Variants in POLR1B observed in about 807,000 individuals in gnomAD.
The protein encoded by POLR1B is DNA-directed RNA polymerase I subunit RPA2.
Under a neutral mutation model 105.8 loss-of-function variants are expected in POLR1B, and 30 were observed. That is an observed-to-expected ratio of 0.28 (90% CI 0.21 to 0.38). POLR1B has a LOEUF of 0.38. POLR1B is among the 10% of genes least tolerant of loss of function. The pLI is 1.00. For missense variants in POLR1B, 976 were observed against 1,435.8 expected (o/e 0.68, Z 5.17); for synonymous variants, 485 against 505.1 (o/e 0.96, Z 0.53).
intron 12 of POLR1B, among the ~76,000 whole-genome samples, chr2:112,569,598 C>A (rs184629294): frequency 1.3e-5 from 2 of 149,500 alleles, no homozygotes; most frequent in Non-Finnish European, 3.0e-5. Context: ...CTCGCTCTGT[C>A]GCCTAGGCTG....
chr2:112,561,934 A>C (rs1684011324), intron 9 of POLR1B, among the ~76,000 whole-genome samples: 1 of 152,072 alleles, frequency 6.6e-6, no homozygotes, highest in South Asian at 2.1e-4. Flanking sequence ...GGCCTCCCAA[A>C]GTGCTGGGAT....
At position 112,574,896 on chromosome 2, in the gene POLR1B, A is replaced by G. The variant is rs1260798991; in HGVS notation, c.2575A>G (p.Thr859Ala). Residue 859 changes from threonine to alanine, a missense_variant, in exon 15 of 15, where the codon ACT (threonine) becomes GCT (alanine). Physicochemically the swap from Thr to Ala is moderately conservative, Grantham distance 58. This residue lies in a region of POLR1B where 119 missense variants were observed against 149.7 expected (regional missense o/e 0.79). Transcript: ENST00000263331. The stretch of plus-strand genomic sequence containing the variant: ...TAACATCAAAGTGTGCAGTAATGAC[A>G]CTGGGAGTGGAAAATTCAAGTGTGT... ...VDNIKVCSND[T>A]GSGKFKCVCI... The G allele has an allele frequency of 1.9e-6, 3 of 1,614,158 alleles. No homozygotes were observed. Among genetic ancestry groups the G allele is most frequent in the Admixed American group, 3.3e-5 (2 of 60,018 alleles).
intron 9 of POLR1B, among the ~76,000 whole-genome samples, chr2:112,563,025 G>A (rs1684084769): frequency 6.7e-6 from 1 of 149,954 alleles, no homozygotes; most frequent in South Asian, 2.1e-4. Context: ...GACTGCACCC[G>A]GCCAGCTTGT....
At chr2:112,571,451 C>T (rs1002277507) in intron 12 of POLR1B, among the ~76,000 whole-genome samples, 5 of 151,962 alleles carry the variant, frequency 3.3e-5, no homozygotes, top group African/African-American at 9.7e-5. Context: ...ATACACAGTC[C>T]ATCACCTGGT....
chr2:112,568,984 A>G lies in POLR1B; in HGVS notation c.2074+82A>G, dbSNP rs561870506. ...ACACTCTTTTATTGTCCTTATTTAC[A>G]TATGCTGACCATTTGTTCCAAAAAT... On this transcript the variant is annotated intron_variant, in intron 12 of 14. Transcript: ENST00000263331. 3.5e-5 allele frequency: 48 copies of G among 1,379,552 alleles called. No individual in the cohort carries two copies. The South Asian group carries it at 5.9e-4, about 17-fold the overall frequency. 85.5% of individuals were successfully genotyped at this position (1,379,552 alleles called of 1,614,324 possible). A position where few individuals can be genotyped will look rare whatever the true frequency, so the allele number is the denominator to read the frequency against.
At position 112,577,059 on chromosome 2, in the gene POLR1B, T is replaced by C. The variant is rs1042044146; in HGVS notation, c.*1330T>C. 1.3e-5 allele frequency: 2 copies of C among 152,246 alleles called. No homozygotes were observed. Among genetic ancestry groups the C allele is most frequent in the Non-Finnish European group, 2.9e-5 (2 of 68,046 alleles). 9.4% of individuals were successfully genotyped at this position (152,246 alleles called of 1,614,324 possible). On this transcript the variant is annotated 3_prime_UTR_variant, in exon 15 of 15. Transcript: ENST00000263331. ...GGCCATTATAACTTTTTTCTGCAAA[T>C]ATTCTGGTGACTTATCTTTGGCCAT... is the stretch of plus-strand genomic sequence containing the variant.
intron 8 of POLR1B, 118 bp downstream of exon 8, chr2:112,558,199 A>T: frequency 1.4e-6 from 1 of 739,036 alleles, no homozygotes; most frequent in Non-Finnish European, 1.9e-6. Flanking sequence ...AATTTCTCAT[A>T]ACTATGACTT....
In POLR1B at chr2:112,575,123, C is replaced by T. The variant is rs773418660; in HGVS notation, c.2802C>T (p.Ala934=). ...MTIGMLIESM[A]GKSAALHGLC... ...TTGGGATGTTAATTGAGAGTATGGC[C>T]GGGAAGTCTGCAGCTTTGCATGGTC... Residue 934 remains alanine, a synonymous_variant, in exon 15 of 15, where the codon GCC becomes GCT. Transcript: ENST00000263331. The surrounding 1 kb of genome is among the most constrained non-coding windows in gnomAD (Gnocchi z 5.3). 5.5e-5 allele frequency: 89 copies of T among 1,614,104 alleles called. No homozygotes were observed. In the Admixed American group the frequency reaches 1.2e-3, roughly 22 times the overall value.
chr2:112,564,206 T>C (rs1320882568), intron 9 of POLR1B, 160 bp from the exon 10 acceptor site: 16 of 783,290 alleles, frequency 2.0e-5, no homozygotes, highest in Middle Eastern at 4.0e-4. Context: ...GCTTGAAATA[T>C]CTGAAGTGCA....
chr2:112,550,142 A>G (rs1001202975), intron 4 of POLR1B, among the ~76,000 whole-genome samples: 11 of 152,142 alleles, frequency 7.2e-5, no homozygotes, highest in Non-Finnish European at 1.2e-4. Context: ...CTGAAAGAGC[A>G]TGTGTATTTT....
rs764399138 is a variant in POLR1B, at chr2:112,547,410, TTTTCA to T, written c.346-7_346-3del. ...TTCTGTTAAGTAACTTTTTCTCTTG[TTTTCA>T]TTTAGGCTGATATCAACTGGGCAGT... On this transcript the variant is annotated splice_region_variant and splice_polypyrimidine_tract_variant and intron_variant, in intron 2 of 14. Coordinates refer to ENST00000263331, the MANE Select transcript of POLR1B (RefSeq NM_019014.6). 200 of 1,608,812 alleles carry T rather than the reference TTTTCA, an allele frequency of 1.2e-4. No individual in the cohort carries two copies. The highest frequency in any genetic ancestry group is 1.6e-4 in the Non-Finnish European group (193 of 1,177,876).
In POLR1B at chr2:112,576,761, T is replaced by C. The variant is rs1684880121; in HGVS notation, c.*1032T>C. On this transcript the variant is annotated 3_prime_UTR_variant, in exon 15 of 15. Transcript: ENST00000263331. ...AGGAGTTCAAGGACAGCCTGGGTAA[T>C]ATAGGAAGACCCTGTCTTGAAGACC... 1 of 152,096 alleles carries C rather than the reference T, an allele frequency of 6.6e-6. No individual in the cohort carries two copies. Among genetic ancestry groups the C allele is most frequent in the South Asian group, 2.1e-4 (1 of 4,830 alleles). The allele number at this position is 152,096 out of a possible 1,614,324, so 9.4% of individuals were successfully genotyped here.
chr2:112,572,740 T>C lies in POLR1B; in HGVS notation c.2253T>C (p.Tyr751=), dbSNP rs1485590813. 3 of 1,594,902 alleles carry C rather than the reference T, an allele frequency of 1.9e-6. No individual in the cohort carries two copies. Among genetic ancestry groups the C allele is most frequent in the Non-Finnish European group, 2.6e-6 (3 of 1,169,956 alleles). ...AIVAVISYTG[Y]DMEDAMIVNK... ...TTGCTGTGATTTCTTACACTGGCTA[T>C]GATATGGAAGATGCCATGGTAAGTT... Residue 751 remains tyrosine, a synonymous_variant, in exon 13 of 15, where the codon TAT becomes TAC. Transcript: ENST00000263331.
chr2:112,542,856 C>T, intron 1 of POLR1B, 185 bp downstream of exon 1: 2 of 688,580 alleles, frequency 2.9e-6, no homozygotes, highest in Non-Finnish European at 4.8e-6. Context: ...GGAGTCGAGG[C>T]GTCTTAAGAG....
rs1467581686 is a variant in POLR1B, at chr2:112,558,657, C to G, written c.1330+576C>G. 2.0e-5 allele frequency among the ~76,000 whole-genome samples: 3 copies of G among 151,706 alleles called. No individual in the cohort carries two copies. The East Asian group carries it at 5.8e-4, about 29-fold the overall frequency. On this transcript the variant is annotated intron_variant, in intron 8 of 14. Transcript: ENST00000263331. ...TTTTTGAGTCAGGGTCTCACTCTGT[C>G]ACCCAGTCTAAAGTGCAGTGGCAGG...
At chr2:112,558,793 A>AT (rs1372475737) in intron 8 of POLR1B, among the ~76,000 whole-genome samples, 1 of 151,506 alleles carries the variant, frequency 6.6e-6, no homozygotes, top group South Asian at 2.1e-4. Flanking sequence ...TAATTTTTGT[A>AT]TTTTTTGTAG....
At chr2:112,569,653 G>A (rs1344786696) in intron 12 of POLR1B, among the ~76,000 whole-genome samples, 1 of 149,474 alleles carries the variant, frequency 6.7e-6, no homozygotes, top group Non-Finnish European at 1.5e-5. Flanking sequence ...TCTGTCTCCT[G>A]GGTTCAAGTG....
At chr2:112,557,778 G>T in intron 7 of POLR1B, 132 bp from the exon 8 acceptor site, 2 of 139,536 alleles carry the variant, frequency 1.4e-5, no homozygotes, top group Non-Finnish European at 1.3e-5. Context: ...ACAGGGTTTT[G>T]TTTCACCATT....
intron 2 of POLR1B, 40 bp downstream of exon 2, chr2:112,547,219 A>G (rs758886483): frequency 3.7e-6 from 6 of 1,606,586 alleles, no homozygotes; most frequent in Middle Eastern, 1.7e-4. Flanking sequence ...AACACTGCAC[A>G]TATTTGGGAG....
Sources: gnomAD v4.1 joint callset for allele counts (sites outside exome capture counted in the v4.1 genomes callset) on GRCh38, gnomAD v4.1.1 for gene constraint, gnomAD v4.1.1 regional missense constraint, Gnocchi (gnomAD v3.1) non-coding constraint, MANE v1.5 for transcripts, NCBI Gene and HGNC (gene_info 2026-07-23, HGNC 2026-07-21) for gene names.